The following SLIT2 variants were observed in gnomAD, a reference collection of about 807,000 sequenced individuals.
The protein encoded by SLIT2 is slit guidance ligand 2.
Under a neutral mutation model 185.7 loss-of-function variants are expected in SLIT2, and 41 were observed. That is an observed-to-expected ratio of 0.22 (90% CI 0.17 to 0.29). The LOEUF (loss-of-function observed/expected upper bound fraction) is 0.29, where lower values mean the gene tolerates loss of function less well. SLIT2 is among the 10% of genes least tolerant of loss of function. SLIT2 has a pLI of 1.00. For missense variants in SLIT2, 1,571 were observed against 1,909.0 expected (o/e 0.82, Z 3.30); for synonymous variants, 693 against 680.2 (o/e 1.02, Z -0.29).
intron 9 of SLIT2, among the ~76,000 whole-genome samples, chr4:20,502,714 G>C (rs1718854658): frequency 6.6e-6 from 1 of 152,144 alleles, no homozygotes; most frequent in Non-Finnish European, 1.5e-5. Flanking sequence ...ATTTGCAGTT[G>C]TTAGAATATA....
chr4:20,548,938 G>T (rs1723491744), intron 23 of SLIT2, 119 bp from the exon 24 acceptor site: 2 of 637,122 alleles, frequency 3.1e-6, no homozygotes, highest in Admixed American at 5.3e-5. Context: ...ACAATATATT[G>T]TGTGTTAACA....
At chr4:20,609,461 ATAT>A (rs1342610962) in intron 33 of SLIT2, among the ~76,000 whole-genome samples, 1 of 152,166 alleles carries the variant, frequency 6.6e-6, no homozygotes, top group Non-Finnish European at 1.5e-5. Context: ...AAGTAAGAGG[ATAT>A]TATTAACAAA....
Position 20,598,249 on chromosome 4 carries a change from G to A in SLIT2, c.3562-16G>A, listed in dbSNP as rs764256388. ...TGCGTACACATCCTAGTAATGCCAG[G>A]GTTACTTTCTACTAGATTGCCACAG... On this transcript the variant is annotated splice_polypyrimidine_tract_variant and intron_variant, in intron 32 of 36. Coordinates refer to ENST00000504154, the MANE Select transcript of SLIT2 (RefSeq NM_004787.4). 1.2e-6 allele frequency: 2 copies of A among 1,613,170 alleles called. No homozygotes were observed. Among genetic ancestry groups the A allele is most frequent in the South Asian group, 1.1e-5 (1 of 90,968 alleles).
intron 4 of SLIT2, among the ~76,000 whole-genome samples, chr4:20,406,321 A>G (rs1272868494): frequency 1.4e-5 from 2 of 144,186 alleles, no homozygotes; most frequent in African/African-American, 4.9e-5. Flanking sequence ...CAACTTTATT[A>G]AAGTTTAAAA....
At chr4:20,336,668 C>G (rs1294244393) in intron 4 of SLIT2, among the ~76,000 whole-genome samples, 3 of 151,850 alleles carry the variant, frequency 2.0e-5, no homozygotes, top group African/African-American at 7.3e-5. Context: ...TACCCTAGAA[C>G]TTAAAGTATA....
At chr4:20,514,611 C>T (rs1313523169) in intron 11 of SLIT2, among the ~76,000 whole-genome samples, 1 of 152,098 alleles carries the variant, frequency 6.6e-6, no homozygotes, top group East Asian at 1.9e-4. Flanking sequence ...CACCACTGCA[C>T]TCCAGCCTGG....
chr4:20,476,949 T>C (rs1396934309), intron 5 of SLIT2, among the ~76,000 whole-genome samples: 1 of 152,088 alleles, frequency 6.6e-6, no homozygotes, highest in Non-Finnish European at 1.5e-5. Context: ...AATCAAAATT[T>C]GAAACTAGGA....
intron 3 of SLIT2, among the ~76,000 whole-genome samples, chr4:20,266,079 C>A (rs993355237): frequency 2.6e-5 from 4 of 151,704 alleles, no homozygotes; most frequent in African/African-American, 9.7e-5. Flanking sequence ...GTGACCATCA[C>A]CTAGTAAGCT....
chr4:20,262,858 C>T (rs1007953424), intron 3 of SLIT2, among the ~76,000 whole-genome samples: 1 of 151,858 alleles, frequency 6.6e-6, no homozygotes, highest in African/African-American at 2.4e-5. Context: ...GAGAGAATTT[C>T]TCATGCAACA....
intron 5 of SLIT2, among the ~76,000 whole-genome samples, chr4:20,471,575 T>C (rs959323689): frequency 6.6e-6 from 1 of 152,148 alleles, no homozygotes; most frequent in African/African-American, 2.4e-5. Context: ...GCCCAGGCCA[T>C]ATTTTGTATA....
intron 4 of SLIT2, among the ~76,000 whole-genome samples, chr4:20,286,146 G>T (rs1474585671): frequency 6.6e-6 from 1 of 152,132 alleles, no homozygotes; most frequent in African/African-American, 2.4e-5. Flanking sequence ...ACTGTTCTGG[G>T]GATAAGAGGG....
intron 3 of SLIT2, among the ~76,000 whole-genome samples, chr4:20,260,942 C>T (rs1384429298): frequency 6.7e-6 from 1 of 149,724 alleles, no homozygotes; most frequent in African/African-American, 2.5e-5. Context: ...TAACTAGCTC[C>T]TTCCCTCCCC....
intron 11 of SLIT2, 119 bp downstream of exon 11, chr4:20,511,256 T>A: frequency 1.7e-6 from 1 of 582,556 alleles, no homozygotes. Flanking sequence ...GAATTATTAA[T>A]AATGTTAATT....
At chr4:20,404,332 A>C (rs1460835380) in intron 4 of SLIT2, among the ~76,000 whole-genome samples, 6 of 151,982 alleles carry the variant, frequency 3.9e-5, no homozygotes, top group Admixed American at 2.6e-4. Context: ...TTAGCCTGAG[A>C]GTAGGGGAAG....
rs772067598 is a variant in SLIT2 at position 20,596,572 on chromosome 4, G to A, written c.3478G>A (p.Val1160Ile). Residue 1160 changes from valine (V) to isoleucine (I), a missense_variant, in exon 32 of 37, where the codon GTT becomes ATT. By Grantham distance (29) the Val-to-Ile change is conservative. Around this residue, in one of 3 missense-constraint regions of SLIT2, gnomAD observed 146 missense variants for 247.4 expected, o/e 0.59. Transcript: ENST00000504154. The part of the protein sequence containing the change: ...GYQGEKCEKL[V>I]SVNFINKESY... ...TCAGGGAGAAAAGTGTGAAAAATTG[G>A]TTAGTGTGAATTTTATAAACAAAGA... The A allele has an allele frequency of 3.0e-5, 49 of 1,613,888 alleles. No homozygotes were observed. The Admixed American group carries it at 7.7e-4, about 25-fold the overall frequency.
intron 21 of SLIT2, 59 bp downstream of exon 21, chr4:20,542,685 A>G (rs1722905197): frequency 6.4e-7 from 1 of 1,556,318 alleles, no homozygotes; most frequent in African/African-American, 1.4e-5. Context: ...TGTTTCATAC[A>G]CCCAGAGGAA....
intron 4 of SLIT2, among the ~76,000 whole-genome samples, chr4:20,300,703 T>G (rs1423234670): frequency 2.6e-5 from 4 of 152,154 alleles, no homozygotes; most frequent in South Asian, 4.1e-4. Context: ...TAAATTATAT[T>G]GTGTGTTAAA....
In SLIT2 at chr4:20,302,304, C is replaced by T. The variant is rs772544878; in HGVS notation, c.395+33423C>T. ...ATATCTGATATAGATTTCAGTCTTT[C>T]TCTAGTGTTCATGAAAATAAAGCCA... On this transcript the variant is annotated intron_variant, in intron 4 of 36. Transcript: ENST00000504154. Among the ~76,000 whole-genome samples the T allele has an allele frequency of 1.2e-3, 184 of 152,236 alleles. 1 individual carries two copies. Among genetic ancestry groups the T allele is most frequent in the Middle Eastern group, 6.8e-3 (2 of 294 alleles).
chr4:20,462,629 A>T (rs576853528), intron 4 of SLIT2, among the ~76,000 whole-genome samples: 1 of 152,206 alleles, frequency 6.6e-6, no homozygotes, highest in African/African-American at 2.4e-5. Context: ...TGACACACTG[A>T]TAACAGCTGT....
Sources: allele counts gnomAD v4.1 joint callset (sites outside exome capture counted in the v4.1 genomes callset), GRCh38; gene constraint gnomAD v4.1.1; regional missense constraint gnomAD v4.1.1; transcripts MANE v1.5; gene names NCBI Gene and HGNC (gene_info 2026-07-23, HGNC 2026-07-21).